DCPH1: variants seen among roughly 807,000 people sequenced by gnomAD.
DCPH1 encodes the protein damage-control phosphatase 1.
At chr6:151,462,617 G>A in the DCPH1 span, among the ~76,000 whole-genome samples, 15 of 152,158 alleles carry the variant, frequency 9.9e-5, no homozygotes, top group African/African-American at 3.4e-4. Context: ...GGAGTTGTTA[G>A]GAAGAATGCT....
chr6:151,464,627 G>A, the DCPH1 span: 490 of 1,581,012 alleles, frequency 3.1e-4, 11 homozygotes, highest in South Asian at 5.2e-3. Context: ...AGGTAAATGT[G>A]ATCATTAATC....
chr6:151,463,713 C>T, the DCPH1 span, among the ~76,000 whole-genome samples: 1 of 152,020 alleles, frequency 6.6e-6, no homozygotes, highest in African/African-American at 2.4e-5. Flanking sequence ...CATGAATGAC[C>T]CATGGAAAAA....
chr6:151,463,829 A>G, the DCPH1 span, among the ~76,000 whole-genome samples: 1 of 152,210 alleles, frequency 6.6e-6, no homozygotes, highest in Admixed American at 6.5e-5. Flanking sequence ...TTCTTAGGCC[A>G]ATATAATATG....
At chr6:151,468,362 A>G in the DCPH1 span, 1 of 1,554,154 alleles carries the variant, frequency 6.4e-7, no homozygotes, top group Non-Finnish European at 8.7e-7. Context: ...TGGGGAAATA[A>G]GTGTGATCTG....
At chr6:151,458,738 A>G in the DCPH1 span, among the ~76,000 whole-genome samples, 1 of 152,230 alleles carries the variant, frequency 6.6e-6, no homozygotes, top group Non-Finnish European at 1.5e-5. Context: ...ACTGATGGAC[A>G]TTTCTACAAA....
chr6:151,454,700 A>G, the DCPH1 span: 2 of 921,424 alleles, frequency 2.2e-6, no homozygotes, highest in Non-Finnish European at 1.7e-6. Context: ...TCTCAACAGA[A>G]ACATAATAAA....
the DCPH1 span, among the ~76,000 whole-genome samples, chr6:151,467,436 TAAAA>T: frequency 6.7e-6 from 1 of 149,858 alleles, no homozygotes; most frequent in Non-Finnish European, 1.5e-5. Flanking sequence ...CCATCTTTAT[TAAAA>T]AAAAAATCAC....
At chr6:151,458,603 TTAGA>T in the DCPH1 span, 4 of 1,522,512 alleles carry the variant, frequency 2.6e-6, no homozygotes, top group Non-Finnish European at 8.9e-7. Flanking sequence ...TATCAAATGT[TTAGA>T]TAATTTATAC....
chr6:151,466,439 T>A, the DCPH1 span, among the ~76,000 whole-genome samples: 2 of 152,158 alleles, frequency 1.3e-5, no homozygotes, highest in African/African-American at 4.8e-5. Context: ...GTCATCTGAT[T>A]TAGCTAACAA....
the DCPH1 span, among the ~76,000 whole-genome samples, chr6:151,460,514 G>A: frequency 6.6e-6 from 1 of 151,734 alleles, no homozygotes; most frequent in Admixed American, 6.6e-5. Flanking sequence ...GGCCGGGTGC[G>A]GTGGCTCACA....
the DCPH1 span, chr6:151,458,334 G>A: frequency 1.4e-5 from 23 of 1,610,140 alleles, no homozygotes; most frequent in East Asian, 2.2e-5. Flanking sequence ...GCAGGAAGGC[G>A]TGGAAGCTGA....
the DCPH1 span, among the ~76,000 whole-genome samples, chr6:151,458,892 C>T: frequency 6.6e-6 from 1 of 152,146 alleles, no homozygotes; most frequent in Non-Finnish European, 1.5e-5. Context: ...AATCCCAGCA[C>T]TTTGGGAGGC....
At chr6:151,469,499 T>C in the DCPH1 span, 1 of 158,248 alleles carries the variant, frequency 6.3e-6, no homozygotes, top group Non-Finnish European at 1.4e-5. Context: ...GTATTTAATA[T>C]TCCAGGAAGC....
At chr6:151,452,838 C>A in the DCPH1 span, 2 of 436,510 alleles carry the variant, frequency 4.6e-6, no homozygotes, top group African/African-American at 2.1e-5. Context: ...GCGGTCTGTT[C>A]CTGGCGGTCA....
At chr6:151,466,227 T>A in the DCPH1 span, among the ~76,000 whole-genome samples, 3 of 152,294 alleles carry the variant, frequency 2.0e-5, no homozygotes, top group East Asian at 3.9e-4. Flanking sequence ...CCCAGGACAT[T>A]GTTAACTAAT....
chr6:151,465,174 A>G, the DCPH1 span, among the ~76,000 whole-genome samples: 1 of 152,208 alleles, frequency 6.6e-6, no homozygotes, highest in Admixed American at 6.5e-5. Flanking sequence ...CCATTAATAC[A>G]GTTTCATTAC....
chr6:151,452,569 C>G, the DCPH1 span: 1 of 1,611,694 alleles, frequency 6.2e-7, no homozygotes. Context: ...CGGCGTCTCT[C>G]TCAGGACAGG....
the DCPH1 span, among the ~76,000 whole-genome samples, chr6:151,453,154 G>A: frequency 6.6e-5 from 10 of 152,158 alleles, no homozygotes; most frequent in Non-Finnish European, 1.5e-5. Flanking sequence ...ATAAACCTGG[G>A]CAGAAAGTAG....
chr6:151,469,180 C>A, the DCPH1 span: 11 of 1,371,682 alleles, frequency 8.0e-6, no homozygotes, highest in Admixed American at 1.2e-4. Context: ...AAAAGGAGCA[C>A]GTGAATTGAG....
Sources: allele counts gnomAD v4.1 joint callset (sites outside exome capture counted in the v4.1 genomes callset), GRCh38; gene constraint gnomAD v4.1.1; transcripts MANE v1.5; gene names NCBI Gene and HGNC (gene_info 2026-07-23, HGNC 2026-07-21).